The following FOCAD variants were observed in gnomAD, a reference collection of about 807,000 sequenced individuals.
The protein encoded by FOCAD is focadhesin.
Under a neutral mutation model 225.6 loss-of-function variants are expected in FOCAD, and 198 were observed. The ratio of observed to expected loss-of-function variants is 0.88; its 90% CI spans 0.78 to 0.99. The LOEUF (loss-of-function observed/expected upper bound fraction) is 0.99. FOCAD is among the 50% of genes least tolerant of loss of function. The probability of loss-of-function intolerance (pLI) is 0.00; values close to 1 mark genes in which losing one functional copy is unlikely to be tolerated. For synonymous variants in FOCAD, 897 were observed against 755.0 expected (o/e 1.19, Z -3.08); for missense variants, 2,713 against 2,123.6 (o/e 1.28, Z -5.46).
At chr9:20,888,217 C>T (rs1205646093) in intron 21 of FOCAD, among the ~76,000 whole-genome samples, 2 of 144,148 alleles carry the variant, frequency 1.4e-5, no homozygotes, top group Admixed American at 1.4e-4. Context: ...CAGCTCACTA[C>T]AACCTCCGCC....
chr9:20,785,907 C>G (rs563010734), intron 10 of FOCAD, among the ~76,000 whole-genome samples: 2 of 152,094 alleles, frequency 1.3e-5, no homozygotes, highest in Admixed American at 1.3e-4. Context: ...TCCCTGTCCT[C>G]GACAATTGTT....
chr9:20,802,999 T>G (rs1457035056), intron 11 of FOCAD, among the ~76,000 whole-genome samples: 6 of 152,168 alleles, frequency 3.9e-5, no homozygotes, highest in Non-Finnish European at 8.8e-5. Context: ...CCGTATTGCC[T>G]CCTTTCATTA....
chr9:20,685,339 T>C (rs1313453887), intron 1 of FOCAD, among the ~76,000 whole-genome samples: 1 of 152,124 alleles, frequency 6.6e-6, no homozygotes, highest in Non-Finnish European at 1.5e-5. Flanking sequence ...TAGTATAATT[T>C]TGAGATTTTC....
intron 35 of FOCAD, among the ~76,000 whole-genome samples, chr9:20,962,882 C>CAA (rs1838884990): frequency 6.6e-6 from 1 of 152,110 alleles, no homozygotes; most frequent in Non-Finnish European, 1.5e-5. Flanking sequence ...GTTTGAAAGA[C>CAA]AAAGCATTAT....
chr9:20,799,915 G>C (rs575861845), intron 11 of FOCAD, among the ~76,000 whole-genome samples: 1 of 152,040 alleles, frequency 6.6e-6, no homozygotes, highest in Non-Finnish European at 1.5e-5. Context: ...TATTTTGCTC[G>C]TTAGTTGATG....
intron 11 of FOCAD, among the ~76,000 whole-genome samples, chr9:20,790,651 A>C (rs1400151858): frequency 6.6e-6 from 1 of 152,270 alleles, no homozygotes; most frequent in East Asian, 1.9e-4. Context: ...TGCACCTGTA[A>C]TCCCAGCTGC....
At chr9:20,984,640 C>T (rs973945585) in intron 39 of FOCAD, among the ~76,000 whole-genome samples, 3 of 152,082 alleles carry the variant, frequency 2.0e-5, no homozygotes, top group African/African-American at 7.2e-5. Context: ...TTCTTCATTC[C>T]ATCTGTTGTG....
chr9:20,882,488 T>A (rs1830759389), intron 20 of FOCAD, among the ~76,000 whole-genome samples: 1 of 152,170 alleles, frequency 6.6e-6, no homozygotes, highest in South Asian at 2.1e-4. Context: ...TCCCTTTTAG[T>A]CTTCTGATGC....
At chr9:20,881,792 T>C in intron 19 of FOCAD, 79 bp from the exon 20 acceptor site, 1 of 1,401,922 alleles carries the variant, frequency 7.1e-7, no homozygotes, top group Non-Finnish European at 9.9e-7. Flanking sequence ...TAGTTGTTTG[T>C]ATATGAGTTA....
chr9:20,813,932 T>C (rs188859042), intron 11 of FOCAD, among the ~76,000 whole-genome samples: 22 of 152,308 alleles, frequency 1.4e-4, no homozygotes, highest in African/African-American at 5.3e-4. Flanking sequence ...TATATATAAT[T>C]ATCGTATTGT....
At chr9:20,858,965 T>G (rs1048123253) in intron 15 of FOCAD, among the ~76,000 whole-genome samples, 2 of 152,228 alleles carry the variant, frequency 1.3e-5, no homozygotes, top group Non-Finnish European at 2.9e-5. Flanking sequence ...ATGATTTCCA[T>G]TTTTATAAAT....
chr9:20,815,326 G>A (rs1019902057), intron 11 of FOCAD, among the ~76,000 whole-genome samples: 4 of 139,122 alleles, frequency 2.9e-5, no homozygotes, highest in Non-Finnish European at 4.7e-5. Flanking sequence ...TTTTTTTTTA[G>A]TATAGGTGGG....
chr9:20,904,144 C>T (rs566710259), intron 21 of FOCAD, among the ~76,000 whole-genome samples: 1 of 151,956 alleles, frequency 6.6e-6, no homozygotes, highest in East Asian at 1.9e-4. Flanking sequence ...ATATTTTATT[C>T]TTCTAGTTTT....
chr9:20,946,046 C>T (rs1479344694), intron 29 of FOCAD, among the ~76,000 whole-genome samples: 1 of 151,666 alleles, frequency 6.6e-6, no homozygotes, highest in Non-Finnish European at 1.5e-5. Context: ...ATCTTGGCTC[C>T]ATTCCCACCA....
Position 20,792,800 on chromosome 9 carries a change from G to T in FOCAD, c.1455+3192G>T, listed in dbSNP as rs188022576. 3.5e-4 allele frequency among the ~76,000 whole-genome samples: 54 copies of T among 152,128 alleles called. 1 individual carries two copies. Among genetic ancestry groups the T allele is most frequent in the Non-Finnish European group, 1.3e-4 (9 of 68,008 alleles). ...AATCACTTATGTGACTAGGTTCATG[G>T]GCCATGACTTGCTGGTCTTTAAAAA... On this transcript the variant is annotated intron_variant, in intron 11 of 43. Transcript: ENST00000338382.
chr9:20,948,392 A>AG lies in FOCAD; in HGVS notation c.3798+1dup. 1 of 1,608,700 alleles carries AG rather than the reference A, an allele frequency of 6.2e-7. No individual in the cohort carries two copies. The highest frequency in any genetic ancestry group is 8.5e-7 in the Non-Finnish European group (1 of 1,177,562). ...GCCTGGATCAGAATTGTTCTAACAG[A>AG]GGTAGAGGTCACCTGTTGTATGCTA... On this transcript the variant is annotated frameshift_variant and splice_region_variant, in exon 31 of 44. Coordinates refer to ENST00000338382, the MANE Select transcript of FOCAD (RefSeq NM_001375567.1). LOFTEE classifies it high-confidence loss of function.
chr9:20,670,095 T>C (rs1822015519), intron 2 of FOCAD, among the ~76,000 whole-genome samples: 1 of 152,244 alleles, frequency 6.6e-6, no homozygotes, highest in Non-Finnish European at 1.5e-5. Context: ...TAGAGCACTT[T>C]CTACATAGTA....
At chr9:20,776,817 C>G (rs1342579785) in intron 8 of FOCAD, among the ~76,000 whole-genome samples, 1 of 152,046 alleles carries the variant, frequency 6.6e-6, no homozygotes, top group East Asian at 1.9e-4. Context: ...TCTAGTAAAT[C>G]TGAGGTTTAA....
chr9:20,867,951 T>A (rs1829432251), intron 18 of FOCAD, among the ~76,000 whole-genome samples: 2 of 152,048 alleles, frequency 1.3e-5, no homozygotes, highest in South Asian at 4.1e-4. Context: ...GGAGCCACGA[T>A]ATAAAAAGGA....
Sources: gnomAD v4.1 joint callset for allele counts (sites outside exome capture counted in the v4.1 genomes callset) on GRCh38, gnomAD v4.1.1 for gene constraint, MANE v1.5 for transcripts, NCBI Gene and HGNC (gene_info 2026-07-23, HGNC 2026-07-21) for gene names.